SDK1: variants seen among roughly 807,000 people sequenced by gnomAD.
SDK1 encodes sidekick cell adhesion molecule 1.
In SDK1, 157 loss-of-function variants were observed where a neutral mutation model predicts 245.5. The observed-to-expected ratio is 0.64, with a 90% confidence interval of 0.56 to 0.73. The LOEUF is 0.73. Among genes scored for constraint, SDK1 ranks in the 30% least tolerant of loss-of-function variants. SDK1 has a pLI of 0.00. For synonymous variants in SDK1, 1,647 were observed against 1,278.5 expected, an observed-to-expected ratio of 1.29 and a Z score of -6.15; for missense variants, 3,583 against 3,002.3, an observed-to-expected ratio of 1.19 and a Z score of -4.52.
chr7:3,520,919 C>G (rs1199110759), intron 1 of SDK1, among the ~76,000 whole-genome samples: 1 of 152,194 alleles, frequency 6.6e-6, no homozygotes, highest in South Asian at 2.1e-4. Flanking sequence ...TTTATCATTT[C>G]CCAGTTTTGT....
chr7:4,067,793 A>C, intron 19 of SDK1, 45 bp from the exon 20 acceptor site: 1 of 1,461,572 alleles, frequency 6.8e-7, no homozygotes, highest in Non-Finnish European at 9.5e-7. Flanking sequence ...TCAAAAGAAA[A>C]TTTGGGCTAT....
chr7:3,858,435 T>G (rs189299983), intron 5 of SDK1, among the ~76,000 whole-genome samples: 1 of 151,732 alleles, frequency 6.6e-6, no homozygotes, highest in Admixed American at 6.6e-5. Flanking sequence ...TTACTACATG[T>G]ATATACATCT....
rs199858648 is a variant in SDK1 at position 3,969,261 on chromosome 7, C to T, written c.1551C>T (p.Asn517=). ...CTTTTCTCCACTGTTCTTTAGAAAA[C>T]CACATTCTGGCCAGTGGCTCTGTCC... is the stretch of plus-strand genomic sequence containing the variant. ...PKPAITWKRE[N]HILASGSVRI... Residue 517 remains asparagine, a synonymous_variant, in exon 11 of 45, where the codon AAC becomes AAT. Transcript: ENST00000404826. 675 of 1,593,754 alleles carry T rather than the reference C, an allele frequency of 4.2e-4. 2 individuals carry two copies. The highest frequency in any genetic ancestry group is 3.0e-3 in the South Asian group (263 of 86,816).
At chr7:3,463,285 G>GT (rs1780889771) in intron 1 of SDK1, among the ~76,000 whole-genome samples, 5 of 151,880 alleles carry the variant, frequency 3.3e-5, no homozygotes, top group Admixed American at 1.3e-4. Flanking sequence ...TTTTGTTTTT[G>GT]TTTTTTCACC....
In SDK1 at chr7:3,438,847, A is replaced by ATG. The variant is rs1562486729; in HGVS notation, c.298+136964_298+136965insGT. Among the ~76,000 whole-genome samples the ATG allele has an allele frequency of 3.6e-3, 400 of 110,158 alleles. 1 individual carries two copies. Among genetic ancestry groups the ATG allele is most frequent in the African/African-American group, 6.1e-3 (157 of 25,690 alleles). The allele number at this position is 110,158 out of a possible 152,430, so 72.3% of individuals were successfully genotyped here. On this transcript the variant is annotated intron_variant, in intron 1 of 44. Coordinates refer to ENST00000404826, the MANE Select transcript of SDK1 (RefSeq NM_152744.4). Reference sequence around the variant, plus strand: ...CCCTGTTTTCTTCCCCTTTGTATTAATATTTTTTTTTTTTTTTTTTTTGAG... The same window carrying ATG: ...CCCTGTTTTCTTCCCCTTTGTATTAATGTATTTTTTTTTTTTTTTTTTTTGAG...
intron 4 of SDK1, among the ~76,000 whole-genome samples, chr7:3,750,945 T>C (rs754001434): frequency 5.3e-5 from 8 of 152,252 alleles, no homozygotes; most frequent in Non-Finnish European, 1.5e-5. Flanking sequence ...CTGTCCTCTT[T>C]ATGCGACTGT....
chr7:3,978,953 G>C (rs1783179636), intron 13 of SDK1, among the ~76,000 whole-genome samples: 1 of 152,160 alleles, frequency 6.6e-6, no homozygotes, highest in Non-Finnish European at 1.5e-5. Flanking sequence ...CTCTTCTCAC[G>C]TCTGTTTGCC....
At chr7:3,988,132 GTTT>G (rs71032919) in intron 14 of SDK1, among the ~76,000 whole-genome samples, 3,405 of 85,284 alleles carry the variant, frequency 0.04, 86 homozygotes, top group African/African-American at 0.086. Flanking sequence ...TCTTTTTAAT[GTTT>G]TTTTTTTTTT....
At chr7:3,955,571 C>T (rs1363800747) in intron 7 of SDK1, among the ~76,000 whole-genome samples, 2 of 152,180 alleles carry the variant, frequency 1.3e-5, no homozygotes, top group Non-Finnish European at 1.5e-5. Flanking sequence ...GGTGGACTAG[C>T]GTGCAGTGCA....
In SDK1 at chr7:4,139,798, C is replaced by G. The variant is rs1779448343; in HGVS notation, c.4229-5924C>G. ...CTGAAGCCCCAGGAGCGCTATGGGACTGAGGGGCTGAGAGCTTTAGCACCG... is the reference window on the plus strand; with the variant it reads ...CTGAAGCCCCAGGAGCGCTATGGGAGTGAGGGGCTGAGAGCTTTAGCACCG... On this transcript the variant is annotated intron_variant, in intron 28 of 44. Transcript: ENST00000404826. 4.0e-5 allele frequency among the ~76,000 whole-genome samples: 6 copies of G among 151,798 alleles called. No individual in the cohort carries two copies. The South Asian group carries it at 1.2e-3, about 32-fold the overall frequency.
At chr7:3,893,743 C>T (rs1781520895) in intron 5 of SDK1, among the ~76,000 whole-genome samples, 1 of 151,340 alleles carries the variant, frequency 6.6e-6, no homozygotes, top group Non-Finnish European at 1.5e-5. Flanking sequence ...GCCCAGGGTC[C>T]CACATCTGTC....
chr7:3,929,795 T>G (rs1158972406), intron 5 of SDK1, among the ~76,000 whole-genome samples: 1 of 151,852 alleles, frequency 6.6e-6, no homozygotes, highest in Non-Finnish European at 1.5e-5. Flanking sequence ...ATTAGCTGGT[T>G]TTGCGTTGAT....
chr7:4,127,484 A>G lies in SDK1; in HGVS notation c.3927A>G (p.Ile1309Met), dbSNP rs1784465879. 1.2e-6 allele frequency: 2 copies of G among 1,611,886 alleles called. No homozygotes were observed. The highest frequency in any genetic ancestry group is 1.7e-6 in the Non-Finnish European group (2 of 1,177,914). The change falls in exon 26 of 45, where the codon ATA becomes ATG. Residue 1309 changes from isoleucine to methionine, a missense_variant. Coordinates refer to ENST00000404826, the MANE Select transcript of SDK1 (RefSeq NM_152744.4). ...CGGAACAGGACCAGAATGGGCTCAT[A>G]CTGGGCTACAAGGTGTGTGATCACA... ...SVPEQDQNGL[I>M]LGYKILFRAK...
chr7:3,897,080 C>T lies in SDK1; in HGVS notation c.848-53843C>T, dbSNP rs573577459. On this transcript the variant is annotated intron_variant, in intron 5 of 44. Transcript: ENST00000404826. ...TTTCGTGAGAATTCTATCATGAAAG[C>T]AGCAAGAGGGAAATTCACCCCTTAA... is the stretch of plus-strand genomic sequence containing the variant. Among the ~76,000 whole-genome samples, 3 of 152,242 alleles carry T rather than the reference C, an allele frequency of 2.0e-5. No homozygotes were observed. In the South Asian group the frequency reaches 6.2e-4, roughly 32 times the overall value.
intron 1 of SDK1, among the ~76,000 whole-genome samples, chr7:3,429,601 AT>A (rs111619702): frequency 0.054 from 7,539 of 140,472 alleles, 487 homozygotes; most frequent in African/African-American, 0.17. Flanking sequence ...GCAAAAGCCT[AT>A]TTTTTTTTTT....
chr7:3,459,249 G>T (rs753020102), intron 1 of SDK1, among the ~76,000 whole-genome samples: 1 of 152,132 alleles, frequency 6.6e-6, no homozygotes, highest in South Asian at 2.1e-4. Context: ...TACTGTATTT[G>T]TAGTACCTTT....
chr7:3,745,642 A>G (rs1779594049), intron 4 of SDK1, among the ~76,000 whole-genome samples: 1 of 152,152 alleles, frequency 6.6e-6, no homozygotes, highest in Admixed American at 6.5e-5. Flanking sequence ...ATCCGCCATG[A>G]CAGAGGAACT....
intron 38 of SDK1, among the ~76,000 whole-genome samples, chr7:4,219,566 C>T (rs906036596): frequency 2.0e-5 from 3 of 152,144 alleles, no homozygotes; most frequent in Non-Finnish European, 4.4e-5. Flanking sequence ...AGAAACAGCC[C>T]TCATGATTCA....
At chr7:3,547,472 G>C (rs1366558184) in intron 1 of SDK1, among the ~76,000 whole-genome samples, 3 of 152,258 alleles carry the variant, frequency 2.0e-5, no homozygotes, top group African/African-American at 7.2e-5. Context: ...TAAACACGTT[G>C]TTATACTTCA....
Sources: gnomAD v4.1 joint callset for allele counts (sites outside exome capture counted in the v4.1 genomes callset) on GRCh38, gnomAD v4.1.1 for gene constraint, MANE v1.5 for transcripts, NCBI Gene and HGNC (gene_info 2026-07-23, HGNC 2026-07-21) for gene names.